TMTC2: variants seen among roughly 807,000 people sequenced by gnomAD.
TMTC2 encodes transmembrane O-mannosyltransferase targeting cadherins 2, also known as protein O-mannosyl-transferase TMTC2.
TMTC2 carries 43 observed loss-of-function variants against 82.4 expected under a neutral mutation model. That is an observed-to-expected ratio of 0.52 (90% confidence interval 0.41 to 0.67). TMTC2 has a LOEUF of 0.67. TMTC2 is among the 30% of genes least tolerant of loss of function. The probability of loss-of-function intolerance (pLI) is 0.00; values close to 1 mark genes in which losing one functional copy is unlikely to be tolerated. For missense variants in TMTC2, 919 were observed against 1,012.4 expected (o/e 0.91, Z 1.25); for synonymous variants, 408 against 381.9 (o/e 1.07, Z -0.80).
intron 8 of TMTC2, among the ~76,000 whole-genome samples, chr12:83,002,057 G>A (rs1796151): frequency 0.77 from 116,517 of 152,088 alleles, 46,171 homozygotes; most frequent in South Asian, 0.93. Context: ...TAGGATTGGT[G>A]CCAGCTCTTT....
intron 11 of TMTC2, among the ~76,000 whole-genome samples, chr12:83,089,763 G>A (rs1883778629): frequency 6.6e-6 from 1 of 151,070 alleles, no homozygotes; most frequent in Non-Finnish European, 1.5e-5. Flanking sequence ...CATAAGCCAT[G>A]CCCTTTTTGT....
intron 7 of TMTC2, among the ~76,000 whole-genome samples, chr12:82,978,507 T>G (rs1208896039): frequency 6.6e-6 from 1 of 151,854 alleles, no homozygotes; most frequent in East Asian, 1.9e-4. Context: ...TCAAAATTTC[T>G]CTCGTTATTG....
intron 8 of TMTC2, among the ~76,000 whole-genome samples, chr12:83,015,749 A>G (rs1592695493): frequency 6.6e-6 from 1 of 152,194 alleles, no homozygotes; most frequent in African/African-American, 2.4e-5. Flanking sequence ...TCATTTTGTA[A>G]TAATGCCAAA....
At chr12:82,922,377 G>A (rs1394501356) in intron 3 of TMTC2, among the ~76,000 whole-genome samples, 1 of 152,018 alleles carries the variant, frequency 6.6e-6, no homozygotes, top group East Asian at 1.9e-4. Context: ...CTAAAAAAAA[G>A]GTTAAGTGTA....
intron 9 of TMTC2, among the ~76,000 whole-genome samples, chr12:83,044,798 T>C (rs1291882202): frequency 1.3e-5 from 2 of 152,242 alleles, no homozygotes; most frequent in African/African-American, 4.8e-5. Flanking sequence ...ATGACACCTA[T>C]TGCAGATTGT....
intron 10 of TMTC2, among the ~76,000 whole-genome samples, chr12:83,054,560 A>G (rs1347810946): frequency 6.6e-6 from 1 of 151,346 alleles, no homozygotes; most frequent in East Asian, 1.9e-4. Flanking sequence ...AGTTCCACAT[A>G]CTATATATGC....
rs148192989 is a variant in TMTC2 at position 83,073,015 on chromosome 12, C to T, written c.2331+11184C>T. 7.3e-5 allele frequency among the ~76,000 whole-genome samples: 11 copies of T among 150,370 alleles called. No individual in the cohort carries two copies. The East Asian group carries it at 1.4e-3, about 19-fold the overall frequency. ...AATGTTGAAATGTGAGGTACCATTG[C>T]ATTCATAGTGCTCTTTGTTGCCTGT... On this transcript the variant is annotated intron_variant, in intron 11 of 11. Coordinates refer to ENST00000321196, the MANE Select transcript of TMTC2 (RefSeq NM_152588.3).
chr12:82,880,071 G>T (rs573045409), intron 2 of TMTC2, among the ~76,000 whole-genome samples: 7 of 152,276 alleles, frequency 4.6e-5, no homozygotes, highest in African/African-American at 1.7e-4. Flanking sequence ...TGGATGACCT[G>T]CATTTGTTTA....
chr12:82,737,059 A>G (rs1193811588), intron 1 of TMTC2, among the ~76,000 whole-genome samples: 1 of 152,200 alleles, frequency 6.6e-6, no homozygotes, highest in Non-Finnish European at 1.5e-5. Context: ...TCAGGGAGAT[A>G]GTATTAATCA....
chr12:82,972,881 C>T (rs1051677527), intron 7 of TMTC2, among the ~76,000 whole-genome samples: 10 of 151,982 alleles, frequency 6.6e-5, no homozygotes, highest in Non-Finnish European at 1.0e-4. Flanking sequence ...TTGTTGGATT[C>T]TTCTGTGTGT....
chr12:82,697,821 C>G (rs1460345739), intron 1 of TMTC2, among the ~76,000 whole-genome samples: 1 of 152,140 alleles, frequency 6.6e-6, no homozygotes, highest in Non-Finnish European at 1.5e-5. Context: ...TAAATGGAGT[C>G]TCTAGAGTCA....
chr12:83,051,465 T>A (rs1350060924), intron 10 of TMTC2, among the ~76,000 whole-genome samples: 1 of 152,116 alleles, frequency 6.6e-6, no homozygotes, highest in Non-Finnish European at 1.5e-5. Context: ...TTCTGAAAAT[T>A]ACTGCGACCT....
intron 3 of TMTC2, among the ~76,000 whole-genome samples, chr12:82,919,017 G>A (rs1387011318): frequency 1.3e-5 from 2 of 152,176 alleles, no homozygotes; most frequent in Non-Finnish European, 1.5e-5. Flanking sequence ...TGGCTTCCCA[G>A]AGTGCTGGGA....
intron 4 of TMTC2, among the ~76,000 whole-genome samples, chr12:82,937,023 T>C (rs1425983666): frequency 6.6e-6 from 1 of 152,238 alleles, no homozygotes; most frequent in Non-Finnish European, 1.5e-5. Flanking sequence ...ATTATCACTG[T>C]ATCTGGCTTA....
intron 1 of TMTC2, among the ~76,000 whole-genome samples, chr12:82,853,806 G>T (rs1234498091): frequency 6.6e-6 from 1 of 152,152 alleles, no homozygotes; most frequent in East Asian, 1.9e-4. Flanking sequence ...TTGATGGTAT[G>T]AGGGTTTCTG....
chr12:83,080,563 C>A (rs1345935805), intron 11 of TMTC2, among the ~76,000 whole-genome samples: 2 of 152,124 alleles, frequency 1.3e-5, no homozygotes, highest in Non-Finnish European at 2.9e-5. Context: ...GATGGAGAAA[C>A]AGGTAATGCA....
chr12:82,827,644 C>T (rs1565768166), intron 1 of TMTC2, among the ~76,000 whole-genome samples: 1 of 151,822 alleles, frequency 6.6e-6, no homozygotes, highest in Non-Finnish European at 1.5e-5. Context: ...GGATGAACAT[C>T]TTCTTTCTTT....
chr12:82,796,627 CAT>C (rs1878729543), intron 1 of TMTC2, among the ~76,000 whole-genome samples: 1 of 152,074 alleles, frequency 6.6e-6, no homozygotes, highest in Non-Finnish European at 1.5e-5. Flanking sequence ...TATTGCATAA[CAT>C]ATTTAATAAA....
intron 1 of TMTC2, among the ~76,000 whole-genome samples, chr12:82,806,638 A>G (rs1879254706): frequency 6.6e-6 from 1 of 152,182 alleles, no homozygotes; most frequent in Non-Finnish European, 1.5e-5. Flanking sequence ...CATTTGGTAT[A>G]TGTATTATAT....
Sources: allele counts gnomAD v4.1 joint callset (sites outside exome capture counted in the v4.1 genomes callset), GRCh38; gene constraint gnomAD v4.1.1; transcripts MANE v1.5; gene names NCBI Gene and HGNC (gene_info 2026-07-23, HGNC 2026-07-21).